Variants in PCDHGA4 observed in about 807,000 individuals in gnomAD.
The protein encoded by PCDHGA4 is protocadherin gamma subfamily A, 4.
In PCDHGA4, 38 loss-of-function variants were observed where a neutral mutation model predicts 54.6. The observed-to-expected ratio is 0.70, with a 90% CI of 0.54 to 0.91. PCDHGA4 has a LOEUF of 0.91. PCDHGA4 is among the 40% of genes least tolerant of loss of function. The probability of loss-of-function intolerance (pLI) is 0.00; values close to 1 mark genes in which losing one functional copy is unlikely to be tolerated. For missense variants in PCDHGA4, 1,298 were observed against 1,220.9 expected (o/e 1.06, Z -0.94); for synonymous variants, 511 against 512.9 (o/e 1.00, Z 0.05).
intron 1 of PCDHGA4, among the ~76,000 whole-genome samples, chr5:141,473,350 G>A (rs28461214): frequency 0.13 from 19,833 of 152,204 alleles, 1,410 homozygotes; most frequent in African/African-American, 0.17. Context: ...CAGTGAGGAT[G>A]CAAGTGGCCA....
At chr5:141,410,004 ACGCCTGGCTGTC>A in intron 1 of PCDHGA4, 1 of 1,613,154 alleles carries the variant, frequency 6.2e-7, no homozygotes, top group Non-Finnish European at 8.5e-7. Flanking sequence ...TCGGGACACA[ACGCCTGGCTGTC>A]CTACCACGTG....
At chr5:141,388,594 A>G in intron 1 of PCDHGA4, 1 of 1,613,936 alleles carries the variant, frequency 6.2e-7, no homozygotes, top group Non-Finnish European at 8.5e-7. Context: ...GATGCCAATG[A>G]TAATGCTCCA....
rs778766941 is a variant in PCDHGA4, at chr5:141,357,128, T to C, written c.2021T>C (p.Val674Ala). 7.4e-6 allele frequency: 12 copies of C among 1,613,574 alleles called. No homozygotes were observed. The highest frequency in any genetic ancestry group is 3.3e-5 in the Admixed American group (2 of 60,028). The change falls in exon 1 of 4, where the codon GTA (valine) becomes GCA (alanine). Residue 674 changes from valine to alanine, a missense_variant. Physicochemically the swap from Val to Ala is moderately conservative, Grantham distance 64. Coordinates refer to ENST00000571252, the MANE Select transcript of PCDHGA4 (RefSeq NM_018917.4). ...AGAGACGCGCTCAAGCAGAGGCTTG[T>C]AGTGGTCGTCCAGGACCATGGCCAG... is the stretch of plus-strand genomic sequence containing the variant. The part of the protein sequence containing the change: ...LDRDALKQRL[V>A]VVVQDHGQPP...
rs149806642 is a variant in PCDHGA4 at position 141,502,449 on chromosome 5, A to T, written c.2574-2944A>T. 7.7e-3 allele frequency among the ~76,000 whole-genome samples: 1,166 copies of T among 151,886 alleles called. 15 individuals carry two copies. The highest frequency in any genetic ancestry group is 0.027 in the African/African-American group (1,103 of 41,308). On this transcript the variant is annotated intron_variant, in intron 2 of 3. Coordinates refer to ENST00000571252, the MANE Select transcript of PCDHGA4 (RefSeq NM_018917.4). The stretch of plus-strand genomic sequence containing the variant: ...TCTGATGGTTAGATTCAGATTACAC[A>T]CCTTGGTAGGAATACTTCCCGCAGC...
chr5:141,380,135 A>G lies in PCDHGA4; in HGVS notation c.2514+22514A>G, dbSNP rs142315554. 7.2e-4 allele frequency among the ~76,000 whole-genome samples: 110 copies of G among 151,952 alleles called. 5 individuals carry two copies. The East Asian group carries it at 0.018, about 25-fold the overall frequency. On this transcript the variant is annotated intron_variant, in intron 1 of 3. Transcript: ENST00000571252. ...GGCTGGTCTCAAACTCCTGACCTTA[A>G]GTGATCCACCCGCCTCAGCCTCTCA...
rs888457230 is a variant in PCDHGA4, at chr5:141,493,727, C to T, written c.2515-1080C>T. On this transcript the variant is annotated intron_variant, in intron 1 of 3. Transcript: ENST00000571252. This position sits in a 1 kb window ranked among gnomAD's most constrained non-coding sequence, Gnocchi z 4.3. ...TGGAATGCTAGGTTTCTGGGTTCTG[C>T]TCATATCACTGCCACCTGTGAGCCT... Among the ~76,000 whole-genome samples, 2 of 152,184 alleles carry T rather than the reference C, an allele frequency of 1.3e-5. No homozygotes were observed. Among genetic ancestry groups the T allele is most frequent in the Admixed American group, 6.5e-5 (1 of 15,280 alleles).
rs1205353926 is a variant in PCDHGA4 at position 141,477,969 on chromosome 5, T to A, written c.2515-16838T>A. 6.2e-7 allele frequency: 1 copy of A among 1,613,962 alleles called. No homozygotes were observed. Among genetic ancestry groups the A allele is most frequent in the Non-Finnish European group, 8.5e-7 (1 of 1,180,032 alleles). ...CTCTTGGGATCCCCTAACCAGAGCC[T>A]TTTTGCCATAGGGCTGCACACTGGT... On this transcript the variant is annotated intron_variant, in intron 1 of 3. Coordinates refer to ENST00000571252, the MANE Select transcript of PCDHGA4 (RefSeq NM_018917.4). The surrounding 1 kb of genome is among the most constrained non-coding windows in gnomAD (Gnocchi z 4.9).
intron 1 of PCDHGA4, chr5:141,403,093 C>T (rs1368239890): frequency 6.2e-7 from 1 of 1,614,072 alleles, no homozygotes; most frequent in Non-Finnish European, 8.5e-7. Flanking sequence ...TTGTGGGCAA[C>T]ATCTCCAAGG....
intron 1 of PCDHGA4, among the ~76,000 whole-genome samples, chr5:141,451,107 C>G (rs768308463): frequency 1.2e-4 from 18 of 152,118 alleles, no homozygotes; most frequent in Non-Finnish European, 2.4e-4. Context: ...GGATTACAGG[C>G]GTGAGCCACC....
intron 1 of PCDHGA4, chr5:141,366,166 C>A (rs764048783): frequency 1.2e-6 from 2 of 1,614,076 alleles, no homozygotes; most frequent in Admixed American, 1.7e-5. Flanking sequence ...TTAAGGCCAG[C>A]GAGCCAGGAC....
intron 1 of PCDHGA4, among the ~76,000 whole-genome samples, chr5:141,465,443 C>T (rs979024871): frequency 6.6e-6 from 1 of 152,158 alleles, no homozygotes; most frequent in Non-Finnish European, 1.5e-5. Flanking sequence ...AATGATTACC[C>T]AAGAAAACTC....
intron 1 of PCDHGA4, chr5:141,414,815 G>T (rs1437985019): frequency 2.2e-5 from 35 of 1,614,236 alleles, no homozygotes; most frequent in Non-Finnish European, 2.9e-5. Flanking sequence ...CCTCCACTCA[G>T]CAGCAACGTG....
chr5:141,467,055 CTTT>C (rs1193465269), intron 1 of PCDHGA4, among the ~76,000 whole-genome samples: 5 of 134,460 alleles, frequency 3.7e-5, no homozygotes, highest in Admixed American at 7.5e-5. Context: ...TCAATGTTTT[CTTT>C]TTTTTTTTTT....
intron 1 of PCDHGA4, among the ~76,000 whole-genome samples, chr5:141,463,725 C>A (rs1259646105): frequency 6.6e-6 from 1 of 152,026 alleles, no homozygotes. Flanking sequence ...GGATTACAGG[C>A]ATGAGCCACC....
intron 1 of PCDHGA4, chr5:141,441,621 G>T: frequency 4.5e-6 from 1 of 223,408 alleles, no homozygotes; most frequent in South Asian, 5.2e-5. Context: ...CGTGGCCAGT[G>T]ACCTGGAGCC....
At chr5:141,410,369 A>G in intron 1 of PCDHGA4, 1 of 1,613,954 alleles carries the variant, frequency 6.2e-7, no homozygotes. Context: ...CAGCCCTGCT[A>G]CTTGGGACTG....
At position 141,485,698 on chromosome 5, in the gene PCDHGA4, T is replaced by C. The variant is rs1175015922; in HGVS notation, c.2515-9109T>C. ...TTAGCAGCTATAGGCTGAGCTCCAA[T>C]GAACACTTTGCACTGGATGTGAAGA... On this transcript the variant is annotated intron_variant, in intron 1 of 3. Transcript: ENST00000571252. This position sits in a 1 kb window ranked among gnomAD's most constrained non-coding sequence, Gnocchi z 5.7. 6.2e-7 allele frequency: 1 copy of C among 1,613,994 alleles called. No homozygotes were observed. The highest frequency in any genetic ancestry group is 8.5e-7 in the Non-Finnish European group (1 of 1,180,002).
At chr5:141,423,758 G>GGGC (rs1554116874) in intron 1 of PCDHGA4, 82 of 366,752 alleles carry the variant, frequency 2.2e-4, no homozygotes, top group Middle Eastern at 4.2e-4. Context: ...TTTGGGGGGG[G>GGGC]GGTGGGGCGG....
chr5:141,383,342 C>T, intron 1 of PCDHGA4: 2 of 1,613,958 alleles, frequency 1.2e-6, no homozygotes, highest in Non-Finnish European at 1.7e-6. Flanking sequence ...AATACAGCTC[C>T]TGGGGTTCGG....
Sources: gnomAD v4.1 joint callset for allele counts (sites outside exome capture counted in the v4.1 genomes callset) on GRCh38, gnomAD v4.1.1 for gene constraint, Gnocchi (gnomAD v3.1) non-coding constraint, MANE v1.5 for transcripts, NCBI Gene and HGNC (gene_info 2026-07-23, HGNC 2026-07-21) for gene names.